The following ADAM9 variants were observed in gnomAD, a reference collection of about 807,000 sequenced individuals.
The protein encoded by ADAM9 is ADAM metallopeptidase domain 9.
ADAM9 carries 54 observed loss-of-function variants against 108.1 expected under a neutral mutation model. That is an observed-to-expected ratio of 0.50 (90% CI 0.40 to 0.63). ADAM9 has a LOEUF of 0.63. ADAM9 is among the 20% of genes least tolerant of loss of function. The probability of loss-of-function intolerance (pLI) is 0.00; values close to 1 mark genes in which losing one functional copy is unlikely to be tolerated. For missense variants in ADAM9, 830 were observed against 997.7 expected (o/e 0.83, Z 2.26); for synonymous variants, 316 against 336.0 (o/e 0.94, Z 0.65).
At chr8:39,010,937 G>A (rs1467126621) in intron 2 of ADAM9, among the ~76,000 whole-genome samples, 4 of 151,780 alleles carry the variant, frequency 2.6e-5, no homozygotes, top group Non-Finnish European at 4.4e-5. Flanking sequence ...TACTAAAAAT[G>A]CAAAAATTAG....
At chr8:39,054,601 G>GTAA in intron 13 of ADAM9, 28 bp downstream of exon 13, 15 of 752,218 alleles carry the variant, frequency 2.0e-5, no homozygotes, top group Non-Finnish European at 2.5e-5. Flanking sequence ...TTTGGAAACA[G>GTAA]GAAAAAAAAA....
At chr8:39,023,735 C>T (rs1236333822) in intron 9 of ADAM9, among the ~76,000 whole-genome samples, 3 of 133,752 alleles carry the variant, frequency 2.2e-5, no homozygotes, top group African/African-American at 5.7e-5. Flanking sequence ...GTTTCTTTTG[C>T]GTTTGTTTTT....
At chr8:39,072,404 A>G (rs1380484271) in intron 15 of ADAM9, among the ~76,000 whole-genome samples, 1 of 152,232 alleles carries the variant, frequency 6.6e-6, no homozygotes, top group Non-Finnish European at 1.5e-5. Flanking sequence ...TCAATCTGAC[A>G]GTCGTTTTTA....
At chr8:39,060,256 T>C (rs183151461) in intron 14 of ADAM9, among the ~76,000 whole-genome samples, 6 of 152,370 alleles carry the variant, frequency 3.9e-5, no homozygotes, top group Admixed American at 3.9e-4. Context: ...TATAGGGAAC[T>C]GTCGGAGGCG....
At chr8:39,042,551 C>A (rs1449927812) in intron 12 of ADAM9, among the ~76,000 whole-genome samples, 8 of 151,872 alleles carry the variant, frequency 5.3e-5, no homozygotes, top group Non-Finnish European at 1.2e-4. Flanking sequence ...AAAGTTCTTG[C>A]TACTCAAAGT....
chr8:39,045,499 C>T, intron 12 of ADAM9, among the ~76,000 whole-genome samples: 2 of 139,972 alleles, frequency 1.4e-5, no homozygotes, highest in African/African-American at 2.7e-5. Context: ...CGTGTGTATA[C>T]ATATGTGTGT....
chr8:39,021,441 G>A (rs6997721), intron 7 of ADAM9, among the ~76,000 whole-genome samples: 64,549 of 151,918 alleles, frequency 0.42, 14,531 homozygotes, highest in East Asian at 0.73. Context: ...CTGCCACCAC[G>A]CCTGGCTAAT....
chr8:39,070,354 T>C (rs1838644196), intron 14 of ADAM9, among the ~76,000 whole-genome samples: 1 of 152,106 alleles, frequency 6.6e-6, no homozygotes. Flanking sequence ...CTGGATAAAT[T>C]TCCAGAAGCA....
At chr8:39,023,412 T>G in intron 9 of ADAM9, 87 bp downstream of exon 9, 1 of 1,390,728 alleles carries the variant, frequency 7.2e-7, no homozygotes, top group Non-Finnish European at 9.8e-7. Flanking sequence ...TATATTCTCT[T>G]GAGGTTTTGG....
intron 20 of ADAM9, among the ~76,000 whole-genome samples, chr8:39,092,033 A>G (rs1052268198): frequency 6.6e-6 from 1 of 152,200 alleles, no homozygotes; most frequent in South Asian, 2.1e-4. Flanking sequence ...AAGCTGTAGG[A>G]CTGATAGTCA....
In ADAM9 at chr8:38,997,171, G is replaced by A; in HGVS notation, c.97+11G>A. On this transcript the variant is annotated intron_variant, in intron 1 of 21. Transcript: ENST00000487273. ...GTGCGGCGCGGCCAGGTGGGTGTCC[G>A]CGCCCCGGGTCGGTTGGGACGGCTG... 6.3e-7 allele frequency: 1 copy of A among 1,595,234 alleles called. No individual in the cohort carries two copies.
chr8:39,058,732 G>A (rs528614822), intron 14 of ADAM9, among the ~76,000 whole-genome samples: 9 of 152,252 alleles, frequency 5.9e-5, no homozygotes, highest in African/African-American at 2.2e-4. Context: ...GCTCCTGGTG[G>A]CAGCATTCCT....
chr8:39,042,227 G>A (rs1180346519), intron 12 of ADAM9, 110 bp downstream of exon 12: 2 of 1,171,288 alleles, frequency 1.7e-6, no homozygotes, highest in Admixed American at 1.8e-5. Context: ...AAATTTAGTG[G>A]CACAGTGAGG....
At chr8:39,060,447 T>C (rs1456919953) in intron 14 of ADAM9, among the ~76,000 whole-genome samples, 1 of 152,190 alleles carries the variant, frequency 6.6e-6, no homozygotes, top group Non-Finnish European at 1.5e-5. Context: ...GCCAGAGTTA[T>C]GCAACCAAAT....
At chr8:39,103,070 G>A (rs1276805190) in intron 21 of ADAM9, among the ~76,000 whole-genome samples, 1 of 152,174 alleles carries the variant, frequency 6.6e-6, no homozygotes, top group Non-Finnish European at 1.5e-5. Context: ...TAGTGTTCTA[G>A]TGTTACTGGA....
chr8:39,025,565 A>G (rs1306239077), intron 9 of ADAM9, among the ~76,000 whole-genome samples: 1 of 152,230 alleles, frequency 6.6e-6, no homozygotes, highest in Non-Finnish European at 1.5e-5. Context: ...GGTTTCACCT[A>G]GAAGGTAAAA....
At chr8:39,070,442 T>C (rs1362911677) in intron 14 of ADAM9, among the ~76,000 whole-genome samples, 1 of 152,212 alleles carries the variant, frequency 6.6e-6, no homozygotes, top group Non-Finnish European at 1.5e-5. Context: ...CTTCATTTGC[T>C]ATACGTGACT....
At chr8:39,065,498 C>G (rs540607705) in intron 14 of ADAM9, among the ~76,000 whole-genome samples, 2 of 151,204 alleles carry the variant, frequency 1.3e-5, no homozygotes, top group African/African-American at 4.9e-5. Context: ...ACTAAAAATA[C>G]CAAATAAAAA....
chr8:39,014,251 G>T, intron 4 of ADAM9: 2 of 492,970 alleles, frequency 4.1e-6, no homozygotes, highest in African/African-American at 2.0e-5. Flanking sequence ...AGTAGTTAAG[G>T]TTTTTTTTTT....
Sources: gnomAD v4.1 joint callset for allele counts (sites outside exome capture counted in the v4.1 genomes callset) on GRCh38, gnomAD v4.1.1 for gene constraint, MANE v1.5 for transcripts, NCBI Gene and HGNC (gene_info 2026-07-23, HGNC 2026-07-21) for gene names.